Variants in SMG5 observed in about 807,000 individuals in gnomAD.
SMG5 encodes nonsense-mediated mRNA decay factor SMG5.
Under a neutral mutation model 122.9 loss-of-function variants are expected in SMG5, and 53 were observed. The ratio of observed to expected loss-of-function variants is 0.43; its 90% CI spans 0.35 to 0.54. The LOEUF (loss-of-function observed/expected upper bound fraction) is 0.54. Ranked by LOEUF, SMG5 falls within the 20% of genes least tolerant of loss-of-function variation. The pLI, the probability that SMG5 is intolerant of heterozygous loss-of-function variation, is 0.01. For synonymous variants in SMG5, 477 were observed against 490.2 expected (o/e 0.97, Z 0.35); for missense variants, 1,153 against 1,285.6 (o/e 0.90, Z 1.58).
In SMG5 at chr1:156,259,136, T is replaced by G. The variant is rs761899049; in HGVS notation, c.2311A>C (p.Ser771Arg). 1.4e-5 allele frequency: 23 copies of G among 1,598,980 alleles called. No homozygotes were observed. The Admixed American group carries it at 2.6e-4, about 18-fold the overall frequency. Residue 771 changes from serine to arginine, a missense_variant, in exon 16 of 22, where the codon AGC (serine) becomes CGC (arginine). By Grantham distance (110) the Ser-to-Arg change is moderately radical. Transcript: ENST00000361813. ...ESVVRICCIR[S>R]FGHFIARLQG... is the part of the protein sequence containing the mutation. The stretch of plus-strand genomic sequence containing the variant: ...AGGCGGGCGATGAAATGACCAAAGC[T>G]GCGGATGCAGCAGATGCGCACCACT...
rs778890387 is a variant in SMG5 at position 156,266,302 on chromosome 1, C to T, written c.1334G>A (p.Gly445Asp). ...GAACTTACGGCTCTTTCTGCCCTCA[C>T]CCACTTGGGGTGTTACAGGAGGAGG... ...PEPPPVTPQV[G>D]EGRKSRKFSR... Residue 445 changes from glycine to aspartate, a missense_variant, in exon 12 of 22, where the codon GGT becomes GAT. Physicochemically the swap from Gly to Asp is moderately conservative, Grantham distance 94. This residue lies in a region of SMG5 where 631 missense variants were observed against 650.6 expected (regional missense o/e 0.97). Transcript: ENST00000361813. 2 of 1,614,190 alleles carry T rather than the reference C, an allele frequency of 1.2e-6. No homozygotes were observed. The highest frequency in any genetic ancestry group is 1.7e-6 in the Non-Finnish European group (2 of 1,180,040).
At chr1:156,256,305 T>C (rs1205049520) in intron 16 of SMG5, among the ~76,000 whole-genome samples, 3 of 126,826 alleles carry the variant, frequency 2.4e-5, no homozygotes, top group Non-Finnish European at 5.2e-5. Context: ...AGAGCCATCT[T>C]CTCTCTTTTT....
upstream of SMG5, among the ~76,000 whole-genome samples, chr1:156,283,859 C>T (rs1354628996): frequency 6.6e-6 from 1 of 152,196 alleles, no homozygotes; most frequent in Non-Finnish European, 1.5e-5. Flanking sequence ...GAGGTCTTTC[C>T]TATTAAAATT....
At chr1:156,265,036 T>TAC (rs35457785) in intron 12 of SMG5, among the ~76,000 whole-genome samples, 22,664 of 122,624 alleles carry the variant, frequency 0.18, 2,076 homozygotes, top group East Asian at 0.27. Context: ...AAAAAAAAAA[T>TAC]ACACACACAC....
At position 156,263,474 on chromosome 1, in the gene SMG5, G is replaced by A; in HGVS notation, c.1952C>T (p.Ala651Val). The part of the protein sequence containing the change: ...SIQEKLQVLM[A>V]EGLLPAVKVF... ...TTTCACAGCAGGAAGCAGACCTTCGGCCATCAGGACCTGAAGCTTCTCCTG... is the reference window on the plus strand; with the variant it reads ...TTTCACAGCAGGAAGCAGACCTTCGACCATCAGGACCTGAAGCTTCTCCTG... The change falls in exon 13 of 22, where the codon GCC (alanine) becomes GTC (valine). Residue 651 changes from alanine (A) to valine (V), a missense_variant. This residue lies in a region of SMG5 where 631 missense variants were observed against 650.6 expected (regional missense o/e 0.97). Transcript: ENST00000361813. The A allele has an allele frequency of 6.2e-7, 1 of 1,614,260 alleles. No individual in the cohort carries two copies. The highest frequency in any genetic ancestry group is 1.1e-5 in the South Asian group (1 of 91,090).
intron 14 of SMG5, 41 bp downstream of exon 14, chr1:156,261,290 TGA>T (rs1661812083): frequency 1.3e-6 from 2 of 1,587,450 alleles, no homozygotes; most frequent in Non-Finnish European, 1.7e-6. Context: ...GTGGGGACAA[TGA>T]GAGAGCAAAG....
At position 156,282,820 on chromosome 1, in the gene SMG5, C is replaced by G. The variant is rs900637267; in HGVS notation, c.-140G>C. The G allele has an allele frequency of 1.2e-6, 1 of 851,086 alleles. No individual in the cohort carries two copies. The highest frequency in any genetic ancestry group is 3.1e-5 in the Admixed American group (1 of 32,626). The allele number at this position is 851,086 out of a possible 1,614,324, so 52.7% of individuals were successfully genotyped here. A position where few individuals can be genotyped will look rare whatever the true frequency, so the allele number is the denominator to read the frequency against. ...CCGCCATCGCTGTGAGGCGGCTGCC[C>G]GCGACAGCTCCTCCTCCGCCTGCCA... On this transcript the variant is annotated 5_prime_UTR_variant, in exon 1 of 22. Coordinates refer to ENST00000361813, the MANE Select transcript of SMG5 (RefSeq NM_015327.3).
In SMG5 at chr1:156,277,917, C is replaced by T. The variant is rs1300506806; in HGVS notation, c.297+8G>A. ...GCTTTCCCTCTTTAGACAAGGACTT[C>T]CCCTTACCTTTTTGTTAGTCTTGAT... On this transcript the variant is annotated splice_region_variant and intron_variant, in intron 3 of 21. Coordinates refer to ENST00000361813, the MANE Select transcript of SMG5 (RefSeq NM_015327.3). 1 of 1,613,768 alleles carries T rather than the reference C, an allele frequency of 6.2e-7. No homozygotes were observed.
At chr1:156,257,353 G>A (rs1409618705) in intron 16 of SMG5, among the ~76,000 whole-genome samples, 25 of 152,244 alleles carry the variant, frequency 1.6e-4, no homozygotes, top group Admixed American at 1.6e-3. Context: ...ATGTGATAAC[G>A]ACAACACTCC....
intron 1 of SMG5, among the ~76,000 whole-genome samples, chr1:156,279,709 G>A (rs763171878): frequency 4.5e-4 from 69 of 152,140 alleles, no homozygotes; most frequent in Non-Finnish European, 7.8e-4. Flanking sequence ...TGACATAAAG[G>A]AAAGACACTT....
upstream of SMG5, chr1:156,286,218 C>A: frequency 6.3e-7 from 1 of 1,598,180 alleles, no homozygotes; most frequent in South Asian, 1.1e-5. Flanking sequence ...GTGCCCTTCC[C>A]CTGCCTTTTC....
At chr1:156,267,332 C>T (rs1201932581) in intron 10 of SMG5, 138 bp downstream of exon 10, 1 of 821,648 alleles carries the variant, frequency 1.2e-6, no homozygotes, top group Non-Finnish European at 1.9e-6. Flanking sequence ...TTGGCCCTTA[C>T]TTGCCCACAG....
chr1:156,287,944 C>T, the SMG5 span, among the ~76,000 whole-genome samples: 1 of 151,872 alleles, frequency 6.6e-6, no homozygotes, highest in Non-Finnish European at 1.5e-5. Context: ...TCAGACTTTG[C>T]CATCACCTAA....
chr1:156,274,478 T>C, intron 5 of SMG5, 119 bp downstream of exon 5: 1 of 874,928 alleles, frequency 1.1e-6, no homozygotes, highest in East Asian at 2.6e-5. Flanking sequence ...GAAAAAGTTA[T>C]CAGAAGCCAA....
At chr1:156,265,608 GAGC>G (rs1051170680) in intron 12 of SMG5, among the ~76,000 whole-genome samples, 170 bp downstream of exon 12, 2 of 152,218 alleles carry the variant, frequency 1.3e-5, no homozygotes, top group Non-Finnish European at 2.9e-5. Flanking sequence ...ATAAGGAAGT[GAGC>G]AGGAGGGTGG....
At position 156,249,915 on chromosome 1, in the gene SMG5, G is replaced by C; in HGVS notation, c.*672C>G. On this transcript the variant is annotated 3_prime_UTR_variant, in exon 22 of 22. Coordinates refer to ENST00000361813, the MANE Select transcript of SMG5 (RefSeq NM_015327.3). ...CCCTGCCCTGGAAGCTAGACAGAGG[G>C]AGACACAAAGCAGAAGTGGGGCAAT... The C allele has an allele frequency of 4.2e-6, 2 of 471,188 alleles. No individual in the cohort carries two copies. The highest frequency in any genetic ancestry group is 4.4e-6 in the Non-Finnish European group (1 of 227,044). The allele number at this position is 471,188 out of a possible 1,614,324, so 29.2% of individuals were successfully genotyped here. A position where few individuals can be genotyped will look rare whatever the true frequency, so the allele number is the denominator to read the frequency against.
At chr1:156,273,219 G>C in intron 6 of SMG5, 142 bp downstream of exon 6, 1 of 674,192 alleles carries the variant, frequency 1.5e-6, no homozygotes, top group Non-Finnish European at 2.6e-6. Flanking sequence ...GAGGGAAAAG[G>C]TATAAACAAG....
At chr1:156,273,521 A>T in intron 5 of SMG5, 71 bp from the exon 6 acceptor site, 1 of 1,422,270 alleles carries the variant, frequency 7.0e-7, no homozygotes, top group Non-Finnish European at 9.8e-7. Context: ...CACATCTGGG[A>T]GTCCACTCTG....
upstream of SMG5, among the ~76,000 whole-genome samples, chr1:156,287,764 C>CCA (rs1259615824): frequency 6.6e-6 from 1 of 151,782 alleles, no homozygotes; most frequent in Non-Finnish European, 1.5e-5. Context: ...TTACAGGCGC[C>CCA]CACCACCAGG....
Sources: allele counts gnomAD v4.1 joint callset (sites outside exome capture counted in the v4.1 genomes callset), GRCh38; gene constraint gnomAD v4.1.1; regional missense constraint gnomAD v4.1.1; transcripts MANE v1.5; gene names NCBI Gene and HGNC (gene_info 2026-07-23, HGNC 2026-07-21).